Variants in CDC42SE2 observed in about 807,000 individuals in gnomAD.
The protein encoded by CDC42SE2 is CDC42 small effector 2.
A neutral mutation model predicts 11.5 loss-of-function variants in CDC42SE2; 3 were observed. The ratio of observed to expected loss-of-function variants is 0.26; its 90% CI spans 0.12 to 0.67. The LOEUF (loss-of-function observed/expected upper bound fraction) is 0.67. Among genes scored for constraint, CDC42SE2 ranks in the 30% least tolerant of loss-of-function variants. The pLI is 0.80. For missense variants in CDC42SE2, 82 were observed against 106.8 expected, an observed-to-expected ratio of 0.77 and a Z score of 1.02; for synonymous variants, 33 against 34.8, an observed-to-expected ratio of 0.95 and a Z score of 0.18.
chr5:131,254,797 A>G (rs1231247671), intron 1 of CDC42SE2, among the ~76,000 whole-genome samples: 1 of 152,264 alleles, frequency 6.6e-6, no homozygotes, highest in Non-Finnish European at 1.5e-5. Flanking sequence ...AAAGCAATGA[A>G]GCCAACATGC....
At chr5:131,243,046 C>G (rs546552223), upstream of CDC42SE2, among the ~76,000 whole-genome samples, 1 of 152,296 alleles carries the variant, frequency 6.6e-6, no homozygotes, top group Non-Finnish European at 1.5e-5. Context: ...ATCCTTAGTC[C>G]TTTTAGGGAC....
At chr5:131,328,180 C>G (rs1035667015) in intron 2 of CDC42SE2, among the ~76,000 whole-genome samples, 2 of 152,072 alleles carry the variant, frequency 1.3e-5, no homozygotes, top group African/African-American at 4.8e-5. Context: ...CATAGCAATT[C>G]TGAATTCTGA....
At chr5:131,334,386 T>C (rs1758501881) in intron 2 of CDC42SE2, among the ~76,000 whole-genome samples, 1 of 152,234 alleles carries the variant, frequency 6.6e-6, no homozygotes, top group Admixed American at 6.5e-5. Context: ...TTGAGAATTT[T>C]TGCATCAATG....
chr5:131,305,030 C>T (rs1474319528), intron 1 of CDC42SE2, among the ~76,000 whole-genome samples: 1 of 152,126 alleles, frequency 6.6e-6, no homozygotes, highest in African/African-American at 2.4e-5. Flanking sequence ...TTTGCCCACC[C>T]ACCCACATTC....
the CDC42SE2 span, among the ~76,000 whole-genome samples, chr5:131,210,299 C>T: frequency 6.6e-6 from 1 of 152,176 alleles, no homozygotes; most frequent in Non-Finnish European, 1.5e-5. Context: ...AAATTTAGTT[C>T]CACCTTGCTT....
intron 2 of CDC42SE2, among the ~76,000 whole-genome samples, chr5:131,316,878 T>G (rs1172096161): frequency 6.6e-6 from 1 of 152,252 alleles, no homozygotes; most frequent in Non-Finnish European, 1.5e-5. Context: ...TTTATTTGGT[T>G]TCTTCCTTTT....
intron 2 of CDC42SE2, among the ~76,000 whole-genome samples, chr5:131,258,298 C>T (rs1756694584): frequency 1.3e-5 from 2 of 151,928 alleles, no homozygotes; most frequent in African/African-American, 4.8e-5. Flanking sequence ...TCTCTTTTAG[C>T]TGACTCATAT....
chr5:131,266,257 A>G (rs932007929), intron 1 of CDC42SE2, among the ~76,000 whole-genome samples: 6 of 152,148 alleles, frequency 3.9e-5, no homozygotes, highest in Non-Finnish European at 8.8e-5. Context: ...TATTTCAGGA[A>G]TCCAGACTAA....
intron 2 of CDC42SE2, among the ~76,000 whole-genome samples, chr5:131,317,033 C>T (rs577188973): frequency 6.6e-6 from 1 of 152,118 alleles, no homozygotes; most frequent in Non-Finnish European, 1.5e-5. Context: ...ATGATGTCAT[C>T]AATACATGTT....
At chr5:131,308,168 G>A (rs1757819632) in intron 1 of CDC42SE2, among the ~76,000 whole-genome samples, 1 of 152,148 alleles carries the variant, frequency 6.6e-6, no homozygotes. Context: ...CATAAGGCTA[G>A]CCAGTTTTCC....
intron 1 of CDC42SE2, among the ~76,000 whole-genome samples, chr5:131,271,022 G>A (rs529998993): frequency 6.6e-6 from 1 of 152,256 alleles, no homozygotes; most frequent in South Asian, 2.1e-4. Context: ...CTGAGTTGGC[G>A]AGGTTGTGCA....
intron 1 of CDC42SE2, among the ~76,000 whole-genome samples, chr5:131,273,276 C>G (rs1331325843): frequency 1.3e-4 from 20 of 149,270 alleles, no homozygotes; most frequent in South Asian, 4.2e-4. Context: ...CTGTCTCAGC[C>G]TCCCGAGTAC....
upstream of CDC42SE2, among the ~76,000 whole-genome samples, chr5:131,259,627 A>G (rs956083369): frequency 6.6e-6 from 1 of 152,248 alleles, no homozygotes; most frequent in African/African-American, 2.4e-5. Flanking sequence ...TATCCCAAGC[A>G]GTTAGTACAT....
At chr5:131,359,612 CTG>C in intron 3 of CDC42SE2, 65 bp downstream of exon 3, 1 of 1,192,364 alleles carries the variant, frequency 8.4e-7, no homozygotes, top group South Asian at 1.2e-5. Flanking sequence ...GGTTCTCAAA[CTG>C]AGGATTGGGA....
In CDC42SE2 at chr5:131,371,114, G is replaced by T. The variant is rs547383643; in HGVS notation, c.54+11567G>T. ...TTATCTGGGATTTAATAATATAATG[G>T]TATTTTAATAACTATCTGGGGCTGG... On this transcript the variant is annotated intron_variant, in intron 3 of 4. Transcript: ENST00000505065. Among the ~76,000 whole-genome samples, 4 of 152,248 alleles carry T rather than the reference G, an allele frequency of 2.6e-5. No homozygotes were observed. The East Asian group carries it at 7.7e-4, about 29-fold the overall frequency.
rs542635641 is a variant in CDC42SE2, at chr5:131,255,326, A to G, written n.242+97A>G. 9.9e-5 allele frequency: 15 copies of G among 152,276 alleles called. No homozygotes were observed. The East Asian group carries it at 2.9e-3, about 29-fold the overall frequency. The allele number at this position is 152,276 out of a possible 1,614,324, so 9.4% of individuals were successfully genotyped here. On this transcript the variant is annotated intron_variant and non_coding_transcript_variant, in intron 2 of 3. Coordinates refer to the CDC42SE2 transcript ENST00000502840. ...ATTAATTGCATGTTGAAATGACAATATTTTAAATAAATTATATTATTAAAA... is the reference window on the plus strand; with the variant it reads ...ATTAATTGCATGTTGAAATGACAATGTTTTAAATAAATTATATTATTAAAA...
intron 2 of CDC42SE2, among the ~76,000 whole-genome samples, chr5:131,356,465 A>G (rs748341319): frequency 6.6e-6 from 1 of 152,236 alleles, no homozygotes; most frequent in Non-Finnish European, 1.5e-5. Flanking sequence ...AAGCAAGAAG[A>G]TAGAAGATGT....
rs747152132 is a variant in CDC42SE2 at position 131,329,879 on chromosome 5, C to CAAAAAAAAAAAAAAAAAAAAA, written c.-286+13758_-286+13778dup. Among the ~76,000 whole-genome samples the CAAAAAAAAAAAAAAAAAAAAA allele has an allele frequency of 5.7e-4, 32 of 56,626 alleles. 6 individuals are homozygous for CAAAAAAAAAAAAAAAAAAAAA. The highest frequency in any genetic ancestry group is 8.7e-4 in the Non-Finnish European group (22 of 25,238). 37.1% of individuals were successfully genotyped at this position (56,626 alleles called of 152,430 possible). ...GGGCAACAAGAGTGAAACTCCATCT[C>CAAAAAAAAAAAAAAAAAAAAA]AAAAAAAAAAAAAAAAAAAAAAAAA... On this transcript the variant is annotated intron_variant, in intron 2 of 4. Transcript: ENST00000505065.
chr5:131,232,055 G>T, the CDC42SE2 span, among the ~76,000 whole-genome samples: 2 of 151,884 alleles, frequency 1.3e-5, no homozygotes, highest in African/African-American at 2.4e-5. Flanking sequence ...CTCCCAAAGT[G>T]CTGGGATTGC....
Sources: gnomAD v4.1 joint callset for allele counts (sites outside exome capture counted in the v4.1 genomes callset) on GRCh38, gnomAD v4.1.1 for gene constraint, MANE v1.5 for transcripts, NCBI Gene and HGNC (gene_info 2026-07-23, HGNC 2026-07-21) for gene names.